Variants in PSMA8 observed in about 807,000 individuals in gnomAD.
PSMA8 encodes proteasome subunit alpha-type 8.
Under a neutral mutation model 32.4 loss-of-function variants are expected in PSMA8, and 18 were observed. The observed-to-expected ratio is 0.56, with a 90% CI of 0.38 to 0.82. PSMA8 has a LOEUF of 0.82. Among genes scored for constraint, PSMA8 ranks in the 40% least tolerant of loss-of-function variants. The pLI, the probability that PSMA8 is intolerant of heterozygous loss-of-function variation, is 0.00. For missense variants in PSMA8, 298 were observed against 300.7 expected (o/e 0.99, Z 0.07); for synonymous variants, 104 against 98.1 (o/e 1.06, Z -0.36).
At chr18:26,180,695 G>GAC (rs45627236) in intron 6 of PSMA8, among the ~76,000 whole-genome samples, 14,404 of 143,318 alleles carry the variant, frequency 0.1, 886 homozygotes, top group African/African-American at 0.19. Context: ...TATAAAAATA[G>GAC]ACACACACAC....
At chr18:26,146,190 G>T (rs1598645096) in intron 2 of PSMA8, among the ~76,000 whole-genome samples, 6 of 137,924 alleles carry the variant, frequency 4.4e-5, no homozygotes, top group African/African-American at 5.4e-5. Flanking sequence ...CTCATCTTCT[G>T]ATTGGGTTTT....
intron 4 of PSMA8, among the ~76,000 whole-genome samples, chr18:26,164,132 T>C (rs2055159660): frequency 6.6e-6 from 1 of 152,140 alleles, no homozygotes; most frequent in African/African-American, 2.4e-5. Context: ...GGAGTGATGG[T>C]GATGAAAGCA....
chr18:26,137,761 A>G (rs941120739), intron 1 of PSMA8, among the ~76,000 whole-genome samples: 2 of 152,196 alleles, frequency 1.3e-5, no homozygotes, highest in Admixed American at 6.5e-5. Flanking sequence ...AGATCCTACT[A>G]TCTATCAGGA....
At chr18:26,134,404 G>A (rs2054894290) in intron 1 of PSMA8, among the ~76,000 whole-genome samples, 1 of 151,070 alleles carries the variant, frequency 6.6e-6, no homozygotes, top group Admixed American at 6.6e-5. Context: ...CGTTAATGAT[G>A]TGATTGACAA....
chr18:26,140,398 C>T (rs1214433823), intron 1 of PSMA8, among the ~76,000 whole-genome samples: 1 of 152,362 alleles, frequency 6.6e-6, no homozygotes, highest in Admixed American at 6.5e-5. Context: ...GTATCTCTCT[C>T]TGCACTGTGT....
chr18:26,172,167 A>G (rs1304190310), intron 4 of PSMA8, among the ~76,000 whole-genome samples: 6 of 152,236 alleles, frequency 3.9e-5, no homozygotes, highest in African/African-American at 1.4e-4. Context: ...AAGGCACATG[A>G]TATCTCTCAA....
Position 26,163,418 on chromosome 18 carries a change from A to G in PSMA8, c.477+5174A>G, listed in dbSNP as rs189971230. Among the ~76,000 whole-genome samples the G allele has an allele frequency of 1.5e-3, 224 of 152,046 alleles. 1 individual carries two copies. The highest frequency in any genetic ancestry group is 5.3e-3 in the African/African-American group (221 of 41,482). On this transcript the variant is annotated intron_variant, in intron 4 of 6. Coordinates refer to ENST00000415576, the MANE Select transcript of PSMA8 (RefSeq NM_001025096.2). The stretch of plus-strand genomic sequence containing the variant: ...GCCAGTTATTTGCTTTGGTGTTCCA[A>G]ACACAGAAACAAAAGGGCAAAATCC...
At chr18:26,156,576 A>T (rs1441693063) in intron 3 of PSMA8, among the ~76,000 whole-genome samples, 1 of 151,692 alleles carries the variant, frequency 6.6e-6, no homozygotes, top group East Asian at 1.9e-4. Context: ...CAAATACTGC[A>T]TGTCCTTATT....
intron 3 of PSMA8, among the ~76,000 whole-genome samples, chr18:26,156,179 G>C (rs897636767): frequency 1.3e-5 from 2 of 152,150 alleles, no homozygotes; most frequent in African/African-American, 4.8e-5. Flanking sequence ...AGAGAAAGGG[G>C]AACTCCCATA....
At chr18:26,155,892 CA>C (rs2055085135) in intron 3 of PSMA8, among the ~76,000 whole-genome samples, 1 of 152,062 alleles carries the variant, frequency 6.6e-6, no homozygotes, top group Non-Finnish European at 1.5e-5. Flanking sequence ...AAAATATTTG[CA>C]AAATATTCAT....
chr18:26,171,426 A>C (rs1248852094), intron 4 of PSMA8: 5 of 996,962 alleles, frequency 5.0e-6, no homozygotes, highest in African/African-American at 1.9e-5. Flanking sequence ...AAATGAATTA[A>C]ATTTTTAAAA....
At chr18:26,160,045 T>C (rs2055122892) in intron 4 of PSMA8, among the ~76,000 whole-genome samples, 1 of 152,212 alleles carries the variant, frequency 6.6e-6, no homozygotes, top group Non-Finnish European at 1.5e-5. Context: ...CTCACTTCTG[T>C]AGTCCCAGCA....
chr18:26,179,102 C>G lies in PSMA8; in HGVS notation c.632C>G (p.Ala211Gly), dbSNP rs1270003072. 2 of 1,612,138 alleles carry G rather than the reference C, an allele frequency of 1.2e-6. No individual in the cohort carries two copies. The highest frequency in any genetic ancestry group is 1.7e-6 in the Non-Finnish European group (2 of 1,178,842). The change falls in exon 6 of 7, where the codon GCT becomes GGT. Residue 211 changes from alanine (A) to glycine (G), a missense_variant. Transcript: ENST00000415576. Reference sequence around the variant, plus strand: ...TCTGGTGGAAAAAACATTGAACTTGCTATAATAAGAAGAAATCAACCTTTG... The same window carrying G: ...TCTGGTGGAAAAAACATTGAACTTGGTATAATAAGAAGAAATCAACCTTTG... ...VQSGGKNIEL[A>G]IIRRNQPLKM...
intron 1 of PSMA8, among the ~76,000 whole-genome samples, chr18:26,142,908 TG>T (rs1568054166): frequency 6.6e-6 from 1 of 152,124 alleles, no homozygotes; most frequent in Admixed American, 6.5e-5. Flanking sequence ...CATACGAATT[TG>T]GGGGGAATAT....
chr18:26,170,938 C>G, intron 4 of PSMA8: 1 of 1,557,540 alleles, frequency 6.4e-7, no homozygotes, highest in East Asian at 2.4e-5. Context: ...GAACTGCCAC[C>G]AACTATCCAG....
intron 6 of PSMA8, among the ~76,000 whole-genome samples, chr18:26,188,087 C>A (rs1568073184): frequency 6.6e-6 from 1 of 151,800 alleles, no homozygotes; most frequent in Non-Finnish European, 1.5e-5. Flanking sequence ...CAAGCATCAT[C>A]TCTGACCACA....
intron 6 of PSMA8, among the ~76,000 whole-genome samples, chr18:26,190,478 G>A (rs1291200603): frequency 6.6e-6 from 1 of 152,242 alleles, no homozygotes; most frequent in African/African-American, 2.4e-5. Context: ...GCTGGGCGCA[G>A]TGGCTCATGC....
chr18:26,139,251 C>A (rs1032297481), intron 1 of PSMA8, among the ~76,000 whole-genome samples: 1 of 152,088 alleles, frequency 6.6e-6, no homozygotes, highest in African/African-American at 2.4e-5. Flanking sequence ...TCTGCAGGGC[C>A]CAATGAGGCA....
At chr18:26,142,036 A>AT (rs2054961999) in intron 1 of PSMA8, among the ~76,000 whole-genome samples, 32 of 128,086 alleles carry the variant, frequency 2.5e-4, no homozygotes, top group African/African-American at 1.1e-3. Flanking sequence ...CAATAATGCT[A>AT]ATTTTTTTTT....
Sources: allele counts gnomAD v4.1 joint callset (sites outside exome capture counted in the v4.1 genomes callset), GRCh38; gene constraint gnomAD v4.1.1; transcripts MANE v1.5; gene names NCBI Gene and HGNC (gene_info 2026-07-23, HGNC 2026-07-21).